The following ADGRL3 variants were observed in gnomAD, a reference collection of about 807,000 sequenced individuals.
ADGRL3 encodes calcium-independent alpha-latrotoxin receptor 3.
In ADGRL3, 62 loss-of-function variants were observed where a neutral mutation model predicts 153.5. That is an observed-to-expected ratio of 0.40 (90% confidence interval 0.33 to 0.50). The LOEUF (loss-of-function observed/expected upper bound fraction) is 0.50, where lower values mean the gene tolerates loss of function less well. ADGRL3 is among the 20% of genes least tolerant of loss of function. The pLI, the probability that ADGRL3 is intolerant of heterozygous loss-of-function variation, is 0.47. For synonymous variants in ADGRL3, 710 were observed against 672.5 expected (o/e 1.06, Z -0.86); for missense variants, 1,641 against 1,859.4 (o/e 0.88, Z 2.16).
At chr4:61,988,072 G>A (rs1262561895) in intron 19 of ADGRL3, among the ~76,000 whole-genome samples, 7 of 151,962 alleles carry the variant, frequency 4.6e-5, no homozygotes, top group Non-Finnish European at 1.0e-4. Context: ...TCTGGCTGAT[G>A]GATTTTGATG....
intron 15 of ADGRL3, among the ~76,000 whole-genome samples, chr4:61,940,064 A>C: frequency 2.6e-5 from 3 of 114,052 alleles, no homozygotes; most frequent in Admixed American, 9.2e-5. Context: ...ATATCTCCCA[A>C]TGCTATCCCT....
chr4:61,392,080 A>G (rs1286429050), intron 2 of ADGRL3, among the ~76,000 whole-genome samples: 1 of 148,828 alleles, frequency 6.7e-6, no homozygotes, highest in Non-Finnish European at 1.5e-5. Context: ...CGTGTTAGCC[A>G]GGATGGTCTC....
At chr4:61,257,105 A>G (rs190464043) in intron 1 of ADGRL3, among the ~76,000 whole-genome samples, 10 of 152,284 alleles carry the variant, frequency 6.6e-5, no homozygotes, top group Admixed American at 4.6e-4. Context: ...TAGTTCTTAG[A>G]GGCAGTTTCA....
chr4:61,248,149 T>C (rs935125668), intron 1 of ADGRL3, among the ~76,000 whole-genome samples: 1 of 152,118 alleles, frequency 6.6e-6, no homozygotes, highest in African/African-American at 2.4e-5. Flanking sequence ...CATTTGCTTT[T>C]CTTTGCTTCT....
At chr4:61,495,553 A>G (rs924176677) in intron 2 of ADGRL3, among the ~76,000 whole-genome samples, 16 of 151,902 alleles carry the variant, frequency 1.1e-4, no homozygotes, top group African/African-American at 3.9e-4. Flanking sequence ...GAAGGAAGGA[A>G]GGCCCAATTT....
At position 62,071,642 on chromosome 4, in the gene ADGRL3, A is replaced by G; in HGVS notation, c.*734A>G. 1 of 379,744 alleles carries G rather than the reference A, an allele frequency of 2.6e-6. No homozygotes were observed. Among genetic ancestry groups the G allele is most frequent in the Non-Finnish European group, 5.0e-6 (1 of 198,038 alleles). 23.5% of individuals were successfully genotyped at this position (379,744 alleles called of 1,614,324 possible). ...TGAGTCCTGTTAATGTAGTAGAAAA[A>G]AAAAAAAGAAATTTTCTTTTTCTTT... On this transcript the variant is annotated 3_prime_UTR_variant, in exon 27 of 27. Transcript: ENST00000683033.
At chr4:61,661,068 C>G (rs1352208604) in intron 5 of ADGRL3, among the ~76,000 whole-genome samples, 1 of 151,950 alleles carries the variant, frequency 6.6e-6, no homozygotes, top group African/African-American at 2.4e-5. Flanking sequence ...AAAATAATCA[C>G]TGATTAAAAT....
At chr4:61,921,147 C>A (rs886461844) in intron 13 of ADGRL3, among the ~76,000 whole-genome samples, 85 of 151,846 alleles carry the variant, frequency 5.6e-4, no homozygotes, top group African/African-American at 2.0e-3. Context: ...CTAAAAAAAA[C>A]TTTTAAAAGC....
chr4:61,313,289 A>G (rs1024146014), intron 1 of ADGRL3, among the ~76,000 whole-genome samples: 1 of 152,144 alleles, frequency 6.6e-6, no homozygotes, highest in African/African-American at 2.4e-5. Context: ...CAGTGAGAGT[A>G]CTCTATATGG....
At chr4:61,679,424 G>C (rs762876260) in intron 6 of ADGRL3, among the ~76,000 whole-genome samples, 2 of 151,868 alleles carry the variant, frequency 1.3e-5, no homozygotes, top group Non-Finnish European at 2.9e-5. Flanking sequence ...CAAAAAGCTA[G>C]GTCCTTTTCC....
At chr4:61,872,985 A>T (rs2098454667) in intron 9 of ADGRL3, among the ~76,000 whole-genome samples, 1 of 152,154 alleles carries the variant, frequency 6.6e-6, no homozygotes, top group Non-Finnish European at 1.5e-5. Flanking sequence ...GTGCCGTATG[A>T]TTTGCATGTT....
intron 9 of ADGRL3, among the ~76,000 whole-genome samples, chr4:61,835,704 A>G (rs1231092122): frequency 1.3e-5 from 2 of 152,148 alleles, no homozygotes; most frequent in African/African-American, 4.8e-5. Context: ...ATTCAAGACA[A>G]GAAACCAGAA....
chr4:61,390,585 C>A (rs1011402273), intron 2 of ADGRL3, among the ~76,000 whole-genome samples: 12 of 152,160 alleles, frequency 7.9e-5, no homozygotes, highest in Admixed American at 3.9e-4. Flanking sequence ...TGAGAACATA[C>A]ATTTAAAATT....
chr4:61,839,167 T>C (rs1164175576), intron 9 of ADGRL3, among the ~76,000 whole-genome samples: 2 of 151,902 alleles, frequency 1.3e-5, no homozygotes, highest in Non-Finnish European at 2.9e-5. Flanking sequence ...AACTGTGAAG[T>C]TTGTAGTTAG....
chr4:61,502,484 GT>G (rs3075117), intron 3 of ADGRL3, among the ~76,000 whole-genome samples: 8,312 of 144,094 alleles, frequency 0.058, 493 homozygotes, highest in African/African-American at 0.15. Context: ...GCTTATACAT[GT>G]TTTTTTTTTT....
At chr4:61,589,323 T>G (rs2098959746) in intron 5 of ADGRL3, among the ~76,000 whole-genome samples, 1 of 152,202 alleles carries the variant, frequency 6.6e-6, no homozygotes, top group East Asian at 1.9e-4. Context: ...TAAATGTTTT[T>G]GACTCTCTGA....
intron 8 of ADGRL3, among the ~76,000 whole-genome samples, chr4:61,751,528 G>GA (rs1241952111): frequency 1.3e-5 from 2 of 152,082 alleles, no homozygotes; most frequent in East Asian, 1.9e-4. Flanking sequence ...GCTTTCAGTA[G>GA]AAAAAAGTAT....
intron 1 of ADGRL3, among the ~76,000 whole-genome samples, chr4:61,292,904 G>A (rs1311187648): frequency 3.9e-5 from 6 of 152,112 alleles, no homozygotes; most frequent in African/African-American, 1.4e-4. Context: ...TACCTGAGTG[G>A]CTTGAGTATA....
At chr4:61,895,606 G>A in intron 10 of ADGRL3, 125 bp from the exon 11 acceptor site, 1 of 555,772 alleles carries the variant, frequency 1.8e-6, no homozygotes, top group Non-Finnish European at 3.2e-6. Flanking sequence ...CACTGTATCT[G>A]GTGTTTTAAT....
Sources: allele counts gnomAD v4.1 joint callset (sites outside exome capture counted in the v4.1 genomes callset), GRCh38; gene constraint gnomAD v4.1.1; transcripts MANE v1.5; gene names NCBI Gene and HGNC (gene_info 2026-07-23, HGNC 2026-07-21).